Variants in CAPN1 observed in about 807,000 individuals in gnomAD.
CAPN1 encodes calpain 1.
A neutral mutation model predicts 105.2 loss-of-function variants in CAPN1; 77 were observed. The ratio of observed to expected loss-of-function variants is 0.73; its 90% CI spans 0.61 to 0.88. CAPN1 has a LOEUF of 0.88. CAPN1 is among the 40% of genes least tolerant of loss of function. The pLI, the probability that CAPN1 is intolerant of heterozygous loss-of-function variation, is 0.00. For missense variants in CAPN1, 833 were observed against 976.6 expected, an observed-to-expected ratio of 0.85 and a Z score of 1.96; for synonymous variants, 355 against 388.8, an observed-to-expected ratio of 0.91 and a Z score of 1.02.
rs1949003778 is a variant in CAPN1 at position 65,208,937 on chromosome 11, T to G, written c.1730-386T>G. 4 of 268,776 alleles carry G rather than the reference T, an allele frequency of 1.5e-5. No individual in the cohort carries two copies. Among genetic ancestry groups the G allele is most frequent in the African/African-American group, 2.2e-5 (1 of 45,522 alleles). 16.6% of individuals were successfully genotyped at this position (268,776 alleles called of 1,614,324 possible). A position where few individuals can be genotyped will look rare whatever the true frequency, so the allele number is the denominator to read the frequency against. ...GGCCTCTCATCCCCTCCCCTCCCCTTTGCTGCCACTGACCTCCATCCACAC... is the reference window on the plus strand; with the variant it reads ...GGCCTCTCATCCCCTCCCCTCCCCTGTGCTGCCACTGACCTCCATCCACAC... On this transcript the variant is annotated intron_variant, in intron 16 of 21. Transcript: ENST00000279247. This position sits in a 1 kb window ranked among gnomAD's most constrained non-coding sequence, Gnocchi z 4.1.
Position 65,188,684 on chromosome 11 carries a change from C to T in CAPN1, c.1103C>T (p.Thr368Ile), listed in dbSNP as rs544101622. ...LKSRTIRKWN[T>I]TLYEGTWRRG... ...AGCCGGACCATCCGCAAATGGAACA[C>T]CACACTCTACGAAGGCACCTGGCGG... The change falls in exon 10 of 22, where the codon ACC (threonine) becomes ATC (isoleucine). Residue 368 changes from threonine to isoleucine, a missense_variant. Coordinates refer to ENST00000279247, the MANE Select transcript of CAPN1 (RefSeq NM_005186.4). The surrounding 1 kb of genome is among the most constrained non-coding windows in gnomAD (Gnocchi z 5.5). 1.2e-6 allele frequency: 2 copies of T among 1,612,934 alleles called. No individual in the cohort carries two copies. The highest frequency in any genetic ancestry group is 1.7e-6 in the Non-Finnish European group (2 of 1,179,482).
Position 65,209,517 on chromosome 11 carries a change from G to A in CAPN1, c.1794+130G>A. ...GGAGTGTGGACACACAGTGCCCCAT[G>A]CTCAGATGTCTCCCTGGACGTCTTC... On this transcript the variant is annotated intron_variant, in intron 17 of 21. Transcript: ENST00000279247. This position sits in a 1 kb window ranked among gnomAD's most constrained non-coding sequence, Gnocchi z 4.1. 1 of 789,638 alleles carries A rather than the reference G, an allele frequency of 1.3e-6. No homozygotes were observed. The allele number at this position is 789,638 out of a possible 1,614,324, so 48.9% of individuals were successfully genotyped here.
chr11:65,182,766 G>A lies in CAPN1; in HGVS notation c.65G>A (p.Arg22Gln), dbSNP rs564035889. Residue 22 changes from arginine to glutamine, a missense_variant, in exon 2 of 22, where the codon CGG (arginine) becomes CAG (glutamine). Physicochemically the swap from Arg to Gln is conservative, Grantham distance 43. Coordinates refer to ENST00000279247, the MANE Select transcript of CAPN1 (RefSeq NM_005186.4). ...TGVSAQVQKQ[R>Q]ARELGLGRHE... ...GTGTCAGCCCAAGTGCAGAAGCAGC[G>A]GGCCAGGGAGCTGGGCCTGGGCCGC... 10 of 1,581,460 alleles carry A rather than the reference G, an allele frequency of 6.3e-6. No individual in the cohort carries two copies. Among genetic ancestry groups the A allele is most frequent in the African/African-American group, 2.7e-5 (2 of 74,190 alleles).
chr11:65,183,548 G>C lies in CAPN1; in HGVS notation c.412G>C (p.Gly138Arg). 3 of 1,613,882 alleles carry C rather than the reference G, an allele frequency of 1.9e-6. No individual in the cohort carries two copies. The highest frequency in any genetic ancestry group is 2.2e-5 in the South Asian group (2 of 91,082). Residue 138 changes from glycine (G) to arginine (R), a missense_variant, in exon 4 of 22, where the codon GGC becomes CGC. Physicochemically the swap from Gly to Arg is moderately radical, Grantham distance 125 (BLOSUM62 -2). Transcript: ENST00000279247. ...DTLLHRVVPH[G>R]QSFQNGYAGI... ...CCTCCTGCACCGAGTGGTTCCGCACGGCCAGAGCTTCCAGAATGGCTATGC... is the reference window on the plus strand; with the variant it reads ...CCTCCTGCACCGAGTGGTTCCGCACCGCCAGAGCTTCCAGAATGGCTATGC...
At chr11:65,183,988 C>T (rs894539761) in intron 4 of CAPN1, among the ~76,000 whole-genome samples, 1 of 152,174 alleles carries the variant, frequency 6.6e-6, no homozygotes, top group Non-Finnish European at 1.5e-5. Flanking sequence ...ACTCCTCCTG[C>T]GCTTTGGCAA....
At chr11:65,201,520 CT>C (rs1038936381) in intron 10 of CAPN1, among the ~76,000 whole-genome samples, 1 of 151,298 alleles carries the variant, frequency 6.6e-6, no homozygotes, top group Non-Finnish European at 1.5e-5. Flanking sequence ...TTCTTTCTTT[CT>C]TTTTTTTTGT....
Position 65,185,922 on chromosome 11 carries a change from G to T in CAPN1, c.462G>T (p.Trp154Cys). The T allele has an allele frequency of 3.8e-6, 6 of 1,582,034 alleles. No homozygotes were observed. The South Asian group carries it at 6.9e-5, about 18-fold the overall frequency. The change falls in exon 5 of 22, where the codon TGG becomes TGT. Residue 154 changes from tryptophan to cysteine, a missense_variant. Trp to Cys is a radical substitution (Grantham distance 215). Coordinates refer to ENST00000279247, the MANE Select transcript of CAPN1 (RefSeq NM_005186.4). ...GYAGIFHFQL[W>C]QFGEWVDVVV... ...ACCGTGCCCCTCCCCCACAGCTGTGGCAATTTGGGGAGTGGGTGGACGTGG... is the reference window on the plus strand; with the variant it reads ...ACCGTGCCCCTCCCCCACAGCTGTGTCAATTTGGGGAGTGGGTGGACGTGG...
chr11:65,203,872 T>TTTATTATTA (rs201058925), intron 10 of CAPN1, among the ~76,000 whole-genome samples: 2 of 151,934 alleles, frequency 1.3e-5, no homozygotes, highest in East Asian at 1.9e-4. Context: ...TGTTATTATC[T>TTTATTATTA]TTATTATTAT....
At chr11:65,187,132 G>T in intron 6 of CAPN1, 83 bp from the exon 7 acceptor site, 2 of 1,005,072 alleles carry the variant, frequency 2.0e-6, no homozygotes. Context: ...AAGTGGGAAC[G>T]TCCAAGACCC....
intron 4 of CAPN1, among the ~76,000 whole-genome samples, chr11:65,185,650 G>A (rs573425358): frequency 1.3e-5 from 2 of 150,336 alleles, no homozygotes; most frequent in East Asian, 3.9e-4. Context: ...CATGTATCTA[G>A]TATATCTGTA....
At chr11:65,211,031 G>T in intron 21 of CAPN1, 159 bp downstream of exon 21, 1 of 775,988 alleles carries the variant, frequency 1.3e-6, no homozygotes, top group South Asian at 1.6e-5. Context: ...GGGTGGGGGT[G>T]TCTGGATTCT....
At position 65,188,792 on chromosome 11, in the gene CAPN1, G is replaced by T. The variant is rs1203062801; in HGVS notation, c.1165+46G>T. On this transcript the variant is annotated intron_variant, in intron 10 of 21. Transcript: ENST00000279247. This position sits in a 1 kb window ranked among gnomAD's most constrained non-coding sequence, Gnocchi z 5.5. The stretch of plus-strand genomic sequence containing the variant: ...GGTCTTGCTGCTTCCTGGCTTAGGG[G>T]CTCCAGAAGGCACGTCATCTTACTG... 3.4e-6 allele frequency: 5 copies of T among 1,485,818 alleles called. No homozygotes were observed. The highest frequency in any genetic ancestry group is 2.4e-5 in the South Asian group (2 of 82,292). The allele number at this position is 1,485,818 out of a possible 1,614,324, so 92.0% of individuals were successfully genotyped here. A position where few individuals can be genotyped will look rare whatever the true frequency, so the allele number is the denominator to read the frequency against.
chr11:65,210,917 A>T lies in CAPN1; in HGVS notation c.2118+45A>T. The T allele has an allele frequency of 2.0e-6, 3 of 1,522,436 alleles. No individual in the cohort carries two copies. The highest frequency in any genetic ancestry group is 2.7e-6 in the Non-Finnish European group (3 of 1,096,864). The allele number at this position is 1,522,436 out of a possible 1,614,324, so 94.3% of individuals were successfully genotyped here. Reference sequence around the variant, plus strand: ...CATGGTTGGGGAAGAGTTCCAGGCGATCGAATTTTCTTATCTGGCCAGTGT... The same window carrying T: ...CATGGTTGGGGAAGAGTTCCAGGCGTTCGAATTTTCTTATCTGGCCAGTGT... On this transcript the variant is annotated intron_variant, in intron 21 of 21. Transcript: ENST00000279247. This position sits in a 1 kb window ranked among gnomAD's most constrained non-coding sequence, Gnocchi z 4.3.
intron 12 of CAPN1, chr11:65,206,127 C>T: frequency 1.9e-6 from 1 of 521,604 alleles, no homozygotes; most frequent in Non-Finnish European, 3.5e-6. Context: ...ATGGGTGTAA[C>T]AGCAGAACAG....
Position 65,208,029 on chromosome 11 carries a change from C to T in CAPN1, c.1606-26C>T. On this transcript the variant is annotated intron_variant, in intron 14 of 21. Coordinates refer to ENST00000279247, the MANE Select transcript of CAPN1 (RefSeq NM_005186.4). The surrounding 1 kb of genome is among the most constrained non-coding windows in gnomAD (Gnocchi z 4.1). ...ACGGGCAGGGCCGGGGCCTCTCTTA[C>T]CTGCTTTCTCCCCTTCTCGGTCCAG... 1 of 1,564,580 alleles carries T rather than the reference C, an allele frequency of 6.4e-7. No individual in the cohort carries two copies. The highest frequency in any genetic ancestry group is 8.7e-7 in the Non-Finnish European group (1 of 1,153,910).
At chr11:65,211,201 G>A (rs962420644) in intron 21 of CAPN1, 59 bp from the exon 22 acceptor site, 1 of 1,597,452 alleles carries the variant, frequency 6.3e-7, no homozygotes, top group Admixed American at 1.7e-5. Context: ...GGGTTTGGGT[G>A]GGGAAGAAGC....
At chr11:65,193,274 C>G (rs1365003612) in intron 10 of CAPN1, among the ~76,000 whole-genome samples, 1 of 151,978 alleles carries the variant, frequency 6.6e-6, no homozygotes, top group African/African-American at 2.4e-5. Context: ...CCACTGCACC[C>G]AGCCCCCTCT....
rs1284951664 is a variant in CAPN1, at chr11:65,182,869, C to G, written c.168C>G (p.Phe56Leu). Residue 56 changes from phenylalanine (F) to leucine (L), a missense_variant, in exon 2 of 22, where the codon TTC becomes TTG. By Grantham distance (22) the Phe-to-Leu change is conservative (BLOSUM62 0). Coordinates refer to ENST00000279247, the MANE Select transcript of CAPN1 (RefSeq NM_005186.4). ...RVRCLQSGTL[F>L]RDEAFPPVPQ... ...GATGCCTGCAGAGTGGGACCCTCTTCCGTGATGAGGCCTTCCCCCCGGTAC... is the reference window on the plus strand; with the variant it reads ...GATGCCTGCAGAGTGGGACCCTCTTGCGTGATGAGGCCTTCCCCCCGGTAC... 6.2e-7 allele frequency: 1 copy of G among 1,602,396 alleles called. No homozygotes were observed. The highest frequency in any genetic ancestry group is 8.5e-7 in the Non-Finnish European group (1 of 1,174,868).
intron 7 of CAPN1, 153 bp from the exon 8 acceptor site, chr11:65,187,802 G>T (rs1447614495): frequency 5.1e-6 from 3 of 583,668 alleles, no homozygotes; most frequent in Non-Finnish European, 9.4e-6. Context: ...CAAGAGAATT[G>T]AATTGCTTGA....
Sources: gnomAD v4.1 joint callset for allele counts (sites outside exome capture counted in the v4.1 genomes callset) on GRCh38, gnomAD v4.1.1 for gene constraint, Gnocchi (gnomAD v3.1) non-coding constraint, MANE v1.5 for transcripts, NCBI Gene and HGNC (gene_info 2026-07-23, HGNC 2026-07-21) for gene names.